The following RAD51B variants were observed in gnomAD, a reference collection of about 807,000 sequenced individuals.
RAD51B encodes DNA repair protein RAD51 homolog 2.
Under a neutral mutation model 42.2 loss-of-function variants are expected in RAD51B, and 38 were observed. The observed-to-expected ratio is 0.90, with a 90% CI of 0.70 to 1.18. RAD51B has a LOEUF of 1.18. Among genes scored for constraint, RAD51B ranks in the 50% most tolerant of loss-of-function variants. The pLI is 0.00. For synonymous variants in RAD51B, 154 were observed against 145.2 expected (o/e 1.06, Z -0.43); for missense variants, 373 against 400.7 (o/e 0.93, Z 0.59).
intron 10 of RAD51B, chr14:68,627,063 G>C (rs1892100485): frequency 6.6e-6 from 1 of 152,162 alleles, no homozygotes; most frequent in Non-Finnish European, 1.5e-5. Flanking sequence ...CTATGTCCTA[G>C]GCCCAGAATT....
intron 7 of RAD51B, among the ~76,000 whole-genome samples, chr14:67,936,766 T>A (rs2044970130): frequency 6.6e-6 from 1 of 152,218 alleles, no homozygotes; most frequent in Non-Finnish European, 1.5e-5. Context: ...AAAATTACAA[T>A]AATCCTTGTA....
intron 10 of RAD51B, chr14:68,562,349 G>T (rs1364719099): frequency 1.0e-6 from 1 of 985,340 alleles, no homozygotes; most frequent in Non-Finnish European, 1.2e-6. Flanking sequence ...GAGACAGGGA[G>T]TTTAAGGTGG....
At chr14:68,094,951 T>G (rs1465988122) in intron 7 of RAD51B, among the ~76,000 whole-genome samples, 2 of 152,184 alleles carry the variant, frequency 1.3e-5, no homozygotes, top group Non-Finnish European at 2.9e-5. Flanking sequence ...GAGGTGAAGC[T>G]CTCTGTAAGA....
rs1305550770 is a variant in RAD51B, at chr14:68,477,979, TTTAAC to T, written c.*316_*320del. The T allele has an allele frequency of 1.8e-6, 2 of 1,137,216 alleles. No homozygotes were observed. The highest frequency in any genetic ancestry group is 2.2e-6 in the Non-Finnish European group (2 of 926,938). The allele number at this position is 1,137,216 out of a possible 1,614,324, so 70.4% of individuals were successfully genotyped here. A position where few individuals can be genotyped will look rare whatever the true frequency, so the allele number is the denominator to read the frequency against. On this transcript the variant is annotated 3_prime_UTR_variant, in exon 11 of 11. Transcript: ENST00000471583. ...CTTTCAACCAGGCACCTCAAAGCGG[TTTAAC>T]CACATTAATTAATTAAAGCCCACAA...
downstream of RAD51B, among the ~76,000 whole-genome samples, chr14:68,482,403 G>C (rs1221601702): frequency 6.6e-6 from 1 of 152,150 alleles, no homozygotes; most frequent in African/African-American, 2.4e-5. Flanking sequence ...AAAGCAAAAT[G>C]ACTGCTCAGA....
intron 8 of RAD51B, among the ~76,000 whole-genome samples, chr14:68,306,166 C>A (rs1377401607): frequency 6.6e-6 from 1 of 152,144 alleles, no homozygotes; most frequent in African/African-American, 2.4e-5. Flanking sequence ...ACGTTTGTAG[C>A]CAAAGCTTTA....
rs1462141020 is a variant in RAD51B, at chr14:67,986,763, G to C, written c.756+99559G>C. ...TGGTTTTTTTGTGAGATGGAGTTTC[G>C]CTCTGTTGCTCAGGCTGGAGTTCAG... On this transcript the variant is annotated intron_variant, in intron 7 of 10. Coordinates refer to ENST00000471583, the MANE Select transcript of RAD51B (RefSeq NM_133510.4). Among the ~76,000 whole-genome samples, 7 of 152,074 alleles carry C rather than the reference G, an allele frequency of 4.6e-5. No individual in the cohort carries two copies. In the East Asian group the frequency reaches 1.3e-3, roughly 29 times the overall value.
At chr14:67,819,888 G>A (rs1566906255) in intron 1 of RAD51B, 35 bp downstream of exon 1, 5 of 152,232 alleles carry the variant, frequency 3.3e-5, no homozygotes, top group Admixed American at 2.6e-4. Context: ...GCCGTTGTGG[G>A]GAAGTGGGGT....
chr14:68,426,757 G>A lies in RAD51B; in HGVS notation c.957+15230G>A, dbSNP rs1023216973. On this transcript the variant is annotated intron_variant, in intron 9 of 10. Coordinates refer to ENST00000471583, the MANE Select transcript of RAD51B (RefSeq NM_133510.4). Reference sequence around the variant, plus strand: ...AAGCAACCATTTGATAAGGAGATTAGTATGAATAGAAGAAAGCCAGATACT... The same window carrying A: ...AAGCAACCATTTGATAAGGAGATTAATATGAATAGAAGAAAGCCAGATACT... Among the ~76,000 whole-genome samples the A allele has an allele frequency of 3.3e-5, 5 of 152,330 alleles. No individual in the cohort carries two copies. The East Asian group carries it at 9.6e-4, about 29-fold the overall frequency.
At chr14:68,578,045 G>A (rs116667650) in intron 10 of RAD51B, among the ~76,000 whole-genome samples, 2,543 of 152,272 alleles carry the variant, frequency 0.017, 72 homozygotes, top group African/African-American at 0.057. Flanking sequence ...GCACATTGTC[G>A]AACACGTTGC....
chr14:68,430,257 T>C (rs575300412), intron 9 of RAD51B, among the ~76,000 whole-genome samples: 1 of 152,314 alleles, frequency 6.6e-6, no homozygotes, highest in East Asian at 1.9e-4. Flanking sequence ...ATATGAACTG[T>C]AAAGTAGTTT....
chr14:68,092,037 T>G (rs1350909126), intron 7 of RAD51B, among the ~76,000 whole-genome samples: 1 of 152,028 alleles, frequency 6.6e-6, no homozygotes, highest in African/African-American at 2.4e-5. Context: ...CTCAGGGCTC[T>G]GTTCTGTTCC....
chr14:68,292,498 C>T (rs1173227198), intron 8 of RAD51B, among the ~76,000 whole-genome samples: 2 of 152,308 alleles, frequency 1.3e-5, no homozygotes, highest in Admixed American at 6.5e-5. Flanking sequence ...GCTATGGTTT[C>T]GATGGCAATA....
chr14:68,675,458 T>C (rs1893284545), intron 11 of RAD51B, among the ~76,000 whole-genome samples: 1 of 152,144 alleles, frequency 6.6e-6, no homozygotes, highest in Admixed American at 6.5e-5. Flanking sequence ...CTGATTCCTT[T>C]TTGGCCCCCA....
downstream of RAD51B, among the ~76,000 whole-genome samples, chr14:68,615,419 C>T (rs1318160233): frequency 6.6e-6 from 1 of 151,942 alleles, no homozygotes; most frequent in Non-Finnish European, 1.5e-5. Flanking sequence ...GATATCTGCT[C>T]ACTGCAAGCT....
intron 7 of RAD51B, among the ~76,000 whole-genome samples, chr14:68,133,553 C>T (rs2077943779): frequency 6.6e-6 from 1 of 152,034 alleles, no homozygotes; most frequent in Non-Finnish European, 1.5e-5. Flanking sequence ...CTTACTGCAA[C>T]CTCCACTTCC....
chr14:68,560,298 G>T (rs1016446496), intron 10 of RAD51B, among the ~76,000 whole-genome samples: 15 of 152,158 alleles, frequency 9.9e-5, no homozygotes, highest in African/African-American at 3.6e-4. Flanking sequence ...ATTTCATAAA[G>T]GATTTTTGTT....
chr14:67,825,678 C>A, intron 3 of RAD51B, 101 bp downstream of exon 3: 1 of 768,044 alleles, frequency 1.3e-6, no homozygotes, highest in Non-Finnish European at 1.9e-6. Context: ...AGATGAGTAC[C>A]TCAAAAATAC....
intron 8 of RAD51B, among the ~76,000 whole-genome samples, chr14:68,314,360 G>A (rs192945220): frequency 6.6e-6 from 1 of 152,158 alleles, no homozygotes; most frequent in African/African-American, 2.4e-5. Flanking sequence ...GCATGAGCTA[G>A]CCAAAGAAAA....
Sources: allele counts gnomAD v4.1 joint callset (sites outside exome capture counted in the v4.1 genomes callset), GRCh38; gene constraint gnomAD v4.1.1; transcripts MANE v1.5; gene names NCBI Gene and HGNC (gene_info 2026-07-23, HGNC 2026-07-21).